The following TBL1XR1 variants were observed in gnomAD, a reference collection of about 807,000 sequenced individuals.
The protein encoded by TBL1XR1 is TBL1X/Y related 1, also known as F-box-like/WD repeat-containing protein TBL1XR1.
In TBL1XR1, 5 loss-of-function variants were observed where a neutral mutation model predicts 66.9. That is an observed-to-expected ratio of 0.07 (90% CI 0.04 to 0.16). TBL1XR1 has a LOEUF of 0.16. TBL1XR1 is among the 10% of genes least tolerant of loss of function. The probability of loss-of-function intolerance (pLI) is 1.00; values close to 1 mark genes in which losing one functional copy is unlikely to be tolerated. For missense variants in TBL1XR1, 238 were observed against 623.2 expected, an observed-to-expected ratio of 0.38 and a Z score of 6.58; for synonymous variants, 210 against 206.0, an observed-to-expected ratio of 1.02 and a Z score of -0.17.
At chr3:177,059,542 T>C (rs1272590966) in intron 3 of TBL1XR1, among the ~76,000 whole-genome samples, 1 of 152,016 alleles carries the variant, frequency 6.6e-6, no homozygotes, top group Non-Finnish European at 1.5e-5. Flanking sequence ...AAAAAACAAA[T>C]GGTATGGTAC....
intron 1 of TBL1XR1, among the ~76,000 whole-genome samples, chr3:177,182,276 C>T (rs1734917539): frequency 6.6e-6 from 1 of 152,054 alleles, no homozygotes; most frequent in African/African-American, 2.4e-5. Context: ...CCCAGATACT[C>T]AAGAGGCTGA....
At chr3:177,081,579 A>C (rs1288971688) in intron 2 of TBL1XR1, among the ~76,000 whole-genome samples, 2 of 151,964 alleles carry the variant, frequency 1.3e-5, no homozygotes, top group African/African-American at 4.8e-5. Context: ...ACAAGACCTA[A>C]TCTCTACAAA....
rs1461009025 is a variant in TBL1XR1 at position 177,019,580 on chromosome 3, CTT to C, written c.*5916_*5917del. On this transcript the variant is annotated 3_prime_UTR_variant, in exon 16 of 16. Coordinates refer to ENST00000457928, the MANE Select transcript of TBL1XR1 (RefSeq NM_024665.7). Reference sequence around the variant, plus strand: ...ACCATAAAACTACCATCTAAAGTGTCTTTTCCTCCACTGTATTTTTTCAAATG... The same window carrying C: ...ACCATAAAACTACCATCTAAAGTGTCTTCCTCCACTGTATTTTTTCAAATG... 1 of 152,112 alleles carries C rather than the reference CTT, an allele frequency of 6.6e-6. No homozygotes were observed. Among genetic ancestry groups the C allele is most frequent in the African/African-American group, 2.4e-5 (1 of 41,420 alleles). The allele number at this position is 152,112 out of a possible 1,614,324, so 9.4% of individuals were successfully genotyped here. A position where few individuals can be genotyped will look rare whatever the true frequency, so the allele number is the denominator to read the frequency against.
chr3:177,041,398 C>T (rs372596862), intron 10 of TBL1XR1, among the ~76,000 whole-genome samples: 1 of 152,152 alleles, frequency 6.6e-6, no homozygotes. Context: ...TGAGACTGGG[C>T]CTTTCTTCAC....
At chr3:177,133,208 A>G (rs1028531743) in intron 1 of TBL1XR1, among the ~76,000 whole-genome samples, 5 of 152,154 alleles carry the variant, frequency 3.3e-5, no homozygotes, top group Non-Finnish European at 4.4e-5. Flanking sequence ...AATAGCTTGA[A>G]CCTGGGAGGC....
At chr3:177,140,149 A>C (rs952421970) in intron 1 of TBL1XR1, among the ~76,000 whole-genome samples, 2 of 152,052 alleles carry the variant, frequency 1.3e-5, no homozygotes, top group Non-Finnish European at 2.9e-5. Flanking sequence ...AAAAATACAA[A>C]AATTAGCTGG....
chr3:177,050,238 C>T (rs1244828450), intron 6 of TBL1XR1, 100 bp from the exon 7 acceptor site: 17 of 1,417,684 alleles, frequency 1.2e-5, no homozygotes, highest in Middle Eastern at 3.8e-4. Context: ...CAAATAAAAA[C>T]GACTATCACG....
At chr3:177,075,077 A>G (rs1236483576) in intron 2 of TBL1XR1, among the ~76,000 whole-genome samples, 2 of 152,268 alleles carry the variant, frequency 1.3e-5, no homozygotes, top group East Asian at 3.8e-4. Context: ...ACTTAAAATT[A>G]CAACAGAAAC....
At chr3:177,159,797 C>G (rs916905419) in intron 1 of TBL1XR1, among the ~76,000 whole-genome samples, 1 of 152,018 alleles carries the variant, frequency 6.6e-6, no homozygotes, top group Non-Finnish European at 1.5e-5. Context: ...GCCACTGTTT[C>G]CAAGTGAAGC....
chr3:177,052,843 C>T (rs1426344816), intron 4 of TBL1XR1, among the ~76,000 whole-genome samples: 1 of 152,140 alleles, frequency 6.6e-6, no homozygotes, highest in Non-Finnish European at 1.5e-5. Context: ...GTGGCTCATG[C>T]CTGTAATTCC....
At chr3:177,115,625 T>C (rs1429615455) in intron 1 of TBL1XR1, among the ~76,000 whole-genome samples, 2 of 152,166 alleles carry the variant, frequency 1.3e-5, no homozygotes, top group African/African-American at 4.8e-5. Context: ...ATTCCACTCT[T>C]TCCCCGCAAC....
At chr3:177,154,401 CTT>C (rs34024632) in intron 1 of TBL1XR1, among the ~76,000 whole-genome samples, 16 of 149,158 alleles carry the variant, frequency 1.1e-4, no homozygotes, top group East Asian at 2.0e-4. Flanking sequence ...AATTGACAAA[CTT>C]TTTTTTTTTT....
intron 4 of TBL1XR1, among the ~76,000 whole-genome samples, chr3:177,053,465 T>C (rs2108502779): frequency 6.6e-6 from 1 of 152,322 alleles, no homozygotes; most frequent in Admixed American, 6.5e-5. Flanking sequence ...CGTGAGAATT[T>C]ACAATTTTCA....
At chr3:177,201,747 T>C (rs1737344544), upstream of TBL1XR1, 1 of 152,206 alleles carries the variant, frequency 6.6e-6, no homozygotes, top group Non-Finnish European at 1.5e-5. Context: ...ACCCTGGAAT[T>C]CAGTGGCTTT....
At chr3:177,188,340 G>A (rs543421190) in intron 1 of TBL1XR1, among the ~76,000 whole-genome samples, 5 of 152,250 alleles carry the variant, frequency 3.3e-5, no homozygotes, top group African/African-American at 9.6e-5. Context: ...CCTGAGGTCA[G>A]AGGTTCAAAC....
At chr3:177,082,741 TATATA>T (rs1560153926) in intron 2 of TBL1XR1, among the ~76,000 whole-genome samples, 15 of 79,510 alleles carry the variant, frequency 1.9e-4, no homozygotes, top group Non-Finnish European at 2.8e-4. Flanking sequence ...ATAGAGATTA[TATATA>T]TATATATATA....
chr3:177,122,911 CA>C (rs1227862905), intron 1 of TBL1XR1, among the ~76,000 whole-genome samples: 1 of 152,076 alleles, frequency 6.6e-6, no homozygotes, highest in Non-Finnish European at 1.5e-5. Flanking sequence ...CTTTTTAGCA[CA>C]ATGAATCCCT....
chr3:177,179,127 A>C (rs1173486371), intron 1 of TBL1XR1, among the ~76,000 whole-genome samples: 2 of 49,616 alleles, frequency 4.0e-5, no homozygotes, highest in Non-Finnish European at 1.5e-4. Context: ...CAAAAAAAAA[A>C]AAAAAAAAAA....
intron 10 of TBL1XR1, among the ~76,000 whole-genome samples, chr3:177,042,604 C>G (rs1390819249): frequency 6.6e-6 from 1 of 152,030 alleles, no homozygotes; most frequent in Non-Finnish European, 1.5e-5. Flanking sequence ...TATATTTACT[C>G]TTAAAATGAG....
Sources: gnomAD v4.1 joint callset for allele counts (sites outside exome capture counted in the v4.1 genomes callset) on GRCh38, gnomAD v4.1.1 for gene constraint, MANE v1.5 for transcripts, NCBI Gene and HGNC (gene_info 2026-07-23, HGNC 2026-07-21) for gene names.